The following SASH1 variants were observed in gnomAD, a reference collection of about 807,000 sequenced individuals.
SASH1 encodes the protein SAM and SH3 domain containing 1.
A neutral mutation model predicts 125.2 loss-of-function variants in SASH1; 44 were observed. The observed-to-expected ratio is 0.35, with a 90% CI of 0.28 to 0.45. SASH1 has a LOEUF of 0.45. Ranked by LOEUF, SASH1 falls within the 20% of genes least tolerant of loss-of-function variation. SASH1 has a pLI of 1.00. For missense variants in SASH1, 1,426 were observed against 1,614.5 expected, an observed-to-expected ratio of 0.88 and a Z score of 2.00; for synonymous variants, 639 against 649.1, an observed-to-expected ratio of 0.98 and a Z score of 0.24.
At chr6:148,387,905 AT>A (rs71004291) in intron 1 of SASH1, among the ~76,000 whole-genome samples, 12,591 of 52,898 alleles carry the variant, frequency 0.24, 638 homozygotes, top group Non-Finnish European at 0.25. Context: ...CGCCCTGCTA[AT>A]TTTTTTTTTT....
chr6:148,205,201 A>G, the SASH1 span, among the ~76,000 whole-genome samples: 1 of 152,190 alleles, frequency 6.6e-6, no homozygotes, highest in African/African-American at 2.4e-5. Flanking sequence ...CAAGAGAGCA[A>G]CTATGAGATC....
intron 7 of SASH1, among the ~76,000 whole-genome samples, chr6:148,475,813 T>C (rs764690031): frequency 7.9e-5 from 12 of 152,242 alleles, no homozygotes; most frequent in Non-Finnish European, 1.6e-4. Context: ...ACCCTATACA[T>C]ACTATGTATG....
Position 148,351,943 on chromosome 6 carries a change from C to T in SASH1, c.156+8720C>T, listed in dbSNP as rs901732855. Among the ~76,000 whole-genome samples the T allele has an allele frequency of 1.3e-5, 2 of 151,898 alleles. 1 individual carries two copies. The highest frequency in any genetic ancestry group is 4.8e-5 in the African/African-American group (2 of 41,344). The stretch of plus-strand genomic sequence containing the variant: ...GTCTGTTTTCATAGGATTTTAAGGA[C>T]CTCCTTTGTGAAATAAACCATTAAC... On this transcript the variant is annotated intron_variant, in intron 1 of 19. Transcript: ENST00000367467.
In SASH1 at chr6:148,544,949, G is replaced by T; in HGVS notation, c.3348+131G>T. ...GTGGACAGGAGACACCTGAATCCAC[G>T]TGTCCACACCTTACTTGACATGCAT... On this transcript the variant is annotated intron_variant, in intron 18 of 19. Transcript: ENST00000367467. This position sits in a 1 kb window ranked among gnomAD's most constrained non-coding sequence, Gnocchi z 6.4. The T allele has an allele frequency of 3.9e-6, 3 of 761,874 alleles. No individual in the cohort carries two copies. The highest frequency in any genetic ancestry group is 6.2e-6 in the Non-Finnish European group (3 of 483,112). The allele number at this position is 761,874 out of a possible 1,614,324, so 47.2% of individuals were successfully genotyped here.
At chr6:148,262,747 G>T in the SASH1 span, among the ~76,000 whole-genome samples, 7 of 152,194 alleles carry the variant, frequency 4.6e-5, no homozygotes, top group African/African-American at 1.7e-4. Context: ...GCCAGGCATG[G>T]TGGCAGGCAC....
intron 2 of SASH1, among the ~76,000 whole-genome samples, chr6:148,430,101 C>T (rs966861796): frequency 7.2e-5 from 11 of 152,156 alleles, no homozygotes; most frequent in Middle Eastern, 3.4e-3. Flanking sequence ...AATAGGAGAG[C>T]GTATTGGGAT....
intron 8 of SASH1, chr6:148,508,811 G>T: frequency 1.4e-6 from 1 of 713,996 alleles, no homozygotes; most frequent in Non-Finnish European, 2.1e-6. Flanking sequence ...TCTCCGAGTG[G>T]GGAGGGGGGT....
At chr6:148,387,567 TC>T (rs1783442674) in intron 1 of SASH1, among the ~76,000 whole-genome samples, 2 of 4,864 alleles carry the variant, frequency 4.1e-4, no homozygotes, top group East Asian at 3.6e-3. Context: ...CTTTCTTTTC[TC>T]TTTCTTTCTT....
intron 2 of SASH1, among the ~76,000 whole-genome samples, chr6:148,401,578 A>G (rs1195590948): frequency 3.3e-5 from 5 of 152,184 alleles, no homozygotes; most frequent in Non-Finnish European, 5.9e-5. Context: ...AGACCTGTGC[A>G]TAAGTAATTT....
At chr6:148,289,169 A>G (rs1310754154) in intron 1 of SASH1, among the ~76,000 whole-genome samples, 1 of 152,174 alleles carries the variant, frequency 6.6e-6, no homozygotes, top group Admixed American at 6.5e-5. Flanking sequence ...GCACTAAAAC[A>G]CAACATCAGT....
At chr6:148,398,600 T>C (rs1458196405) in intron 2 of SASH1, among the ~76,000 whole-genome samples, 2 of 152,158 alleles carry the variant, frequency 1.3e-5, no homozygotes, top group Non-Finnish European at 2.9e-5. Context: ...CTTATCCCCA[T>C]AGGATAAGAA....
In SASH1 at chr6:148,539,743, C is replaced by CA. The variant is rs542499902; in HGVS notation, c.2096-696dup. Among the ~76,000 whole-genome samples, 149 of 152,182 alleles carry CA rather than the reference C, an allele frequency of 9.8e-4. 1 individual carries two copies. The highest frequency in any genetic ancestry group is 3.2e-3 in the African/African-American group (134 of 41,522). On this transcript the variant is annotated intron_variant, in intron 16 of 19. Transcript: ENST00000367467. ...GAGACAAAAATGTGCTGGCACAAGACAAAAGGAGAAGCAGAAAAGAAAAAA... is the reference window on the plus strand; with the variant it reads ...GAGACAAAAATGTGCTGGCACAAGACAAAAAGGAGAAGCAGAAAAGAAAAAA...
intron 1 of SASH1, among the ~76,000 whole-genome samples, chr6:148,298,458 T>C (rs1284051957): frequency 6.6e-6 from 1 of 152,060 alleles, no homozygotes; most frequent in African/African-American, 2.4e-5. Context: ...GGCGAGACCC[T>C]ATCTCTACAA....
At chr6:148,393,931 T>G (rs1338761105) in intron 2 of SASH1, among the ~76,000 whole-genome samples, 1 of 149,390 alleles carries the variant, frequency 6.7e-6, no homozygotes, top group Non-Finnish European at 1.5e-5. Flanking sequence ...TTGCTCTTGT[T>G]GCCCAGGGTG....
At chr6:148,222,405 T>C in the SASH1 span, among the ~76,000 whole-genome samples, 1 of 152,190 alleles carries the variant, frequency 6.6e-6, no homozygotes, top group Non-Finnish European at 1.5e-5. Flanking sequence ...CTCCTCTCTC[T>C]GCAGGCTCCT....
At chr6:148,261,257 A>G in the SASH1 span, among the ~76,000 whole-genome samples, 2 of 152,190 alleles carry the variant, frequency 1.3e-5, no homozygotes, top group East Asian at 3.9e-4. Context: ...GTATCCAAAC[A>G]GCCTCTCCTC....
At chr6:148,322,912 T>TCTTTC (rs1554234526) in intron 1 of SASH1, among the ~76,000 whole-genome samples, 1 of 118,438 alleles carries the variant, frequency 8.4e-6, no homozygotes, top group Non-Finnish European at 1.8e-5. Context: ...CTCTCTTTCT[T>TCTTTC]TCTTTTTTCT....
At chr6:148,370,721 G>A (rs1324361237) in intron 1 of SASH1, among the ~76,000 whole-genome samples, 1 of 152,040 alleles carries the variant, frequency 6.6e-6, no homozygotes, top group Non-Finnish European at 1.5e-5. Context: ...TACTCGGGAG[G>A]CTGAGGCAGG....
intron 2 of SASH1, among the ~76,000 whole-genome samples, chr6:148,418,217 T>C (rs144620613): frequency 6.6e-6 from 1 of 152,308 alleles, no homozygotes; most frequent in East Asian, 1.9e-4. Flanking sequence ...GTTTACCACT[T>C]GCATATAGTT....
Sources: allele counts gnomAD v4.1 joint callset (sites outside exome capture counted in the v4.1 genomes callset), GRCh38; gene constraint gnomAD v4.1.1; non-coding constraint Gnocchi (gnomAD v3.1); transcripts MANE v1.5; gene names NCBI Gene and HGNC (gene_info 2026-07-23, HGNC 2026-07-21).